Variants in ACER3 observed in about 807,000 individuals in gnomAD.
ACER3 encodes alkCDase 3.
ACER3 carries 16 observed loss-of-function variants against 48.9 expected under a neutral mutation model. The ratio of observed to expected loss-of-function variants is 0.33; its 90% CI spans 0.22 to 0.50. The LOEUF is 0.50. Among genes scored for constraint, ACER3 ranks in the 20% least tolerant of loss-of-function variants. The pLI is 0.98. For missense variants in ACER3, 227 were observed against 326.0 expected (o/e 0.70, Z 2.34); for synonymous variants, 109 against 107.8 (o/e 1.01, Z -0.07).
chr11:76,924,313 G>A (rs1271233600), intron 1 of ACER3, among the ~76,000 whole-genome samples: 1 of 152,044 alleles, frequency 6.6e-6, no homozygotes, highest in Non-Finnish European at 1.5e-5. Context: ...TTCATCTTGT[G>A]TGGAAACAGA....
chr11:76,933,529 C>T (rs1947076663), intron 2 of ACER3, among the ~76,000 whole-genome samples: 1 of 151,698 alleles, frequency 6.6e-6, no homozygotes, highest in African/African-American at 2.4e-5. Flanking sequence ...CAAAGCACAT[C>T]TTGCACCGTC....
chr11:77,000,081 T>C (rs1948996172), intron 7 of ACER3, among the ~76,000 whole-genome samples: 1 of 152,362 alleles, frequency 6.6e-6, no homozygotes, highest in South Asian at 2.1e-4. Context: ...ACCAGCAATA[T>C]ATGTGTGATC....
Position 76,902,700 on chromosome 11 carries a change from A to G in ACER3, c.104-23857A>G, listed in dbSNP as rs574656526. ...CAATATTGCACTAAACACGATAAAA[A>G]TACATGAGAACCACAAGAGATCACT... On this transcript the variant is annotated intron_variant, in intron 1 of 10. Transcript: ENST00000532485. Among the ~76,000 whole-genome samples the G allele has an allele frequency of 4.6e-5, 7 of 152,356 alleles. No individual in the cohort carries two copies. In the South Asian group the frequency reaches 1.4e-3, roughly 32 times the overall value.
chr11:76,920,814 T>A (rs1021141714), intron 1 of ACER3, among the ~76,000 whole-genome samples: 2 of 152,004 alleles, frequency 1.3e-5, no homozygotes, highest in South Asian at 2.1e-4. Flanking sequence ...TTTTAAAAAA[T>A]TTTTTGTAGA....
chr11:76,954,762 A>G (rs1947792436), intron 2 of ACER3, among the ~76,000 whole-genome samples: 1 of 151,928 alleles, frequency 6.6e-6, no homozygotes, highest in Non-Finnish European at 1.5e-5. Context: ...CATCACACCC[A>G]GTTAACCTTC....
At chr11:77,009,991 G>A (rs1949228023) in intron 7 of ACER3, among the ~76,000 whole-genome samples, 1 of 151,978 alleles carries the variant, frequency 6.6e-6, no homozygotes, top group Non-Finnish European at 1.5e-5. Flanking sequence ...AATAAAGCCA[G>A]GACCATTAAA....
intron 2 of ACER3, among the ~76,000 whole-genome samples, chr11:76,949,314 A>G (rs534899805): frequency 6.9e-4 from 105 of 152,290 alleles, no homozygotes; most frequent in African/African-American, 2.5e-3. Context: ...CACTTTGGAC[A>G]TGACCATATG....
At chr11:76,986,784 G>C (rs1463743970) in intron 5 of ACER3, among the ~76,000 whole-genome samples, 1 of 152,184 alleles carries the variant, frequency 6.6e-6, no homozygotes, top group South Asian at 2.1e-4. Flanking sequence ...GTGTGGAGCA[G>C]TTAGGCGCAG....
chr11:76,914,995 T>A (rs1209909788), intron 1 of ACER3, among the ~76,000 whole-genome samples: 1 of 152,066 alleles, frequency 6.6e-6, no homozygotes, highest in African/African-American at 2.4e-5. Flanking sequence ...GGAATTGAAC[T>A]ATGAGAACAC....
chr11:76,984,958 G>C (rs1297419695), intron 4 of ACER3, among the ~76,000 whole-genome samples: 2 of 152,112 alleles, frequency 1.3e-5, no homozygotes, highest in Non-Finnish European at 2.9e-5. Flanking sequence ...GGAAGGACAG[G>C]TTCTTCCCCC....
chr11:76,938,736 G>A (rs1286403773), intron 2 of ACER3, among the ~76,000 whole-genome samples: 2 of 152,168 alleles, frequency 1.3e-5, no homozygotes, highest in African/African-American at 2.4e-5. Flanking sequence ...TGGAGTTAGA[G>A]GTATCAGCAT....
chr11:76,926,178 T>C (rs944803915), intron 1 of ACER3, among the ~76,000 whole-genome samples: 1 of 152,208 alleles, frequency 6.6e-6, no homozygotes, highest in Non-Finnish European at 1.5e-5. Flanking sequence ...AATCCTGTAT[T>C]CATCATGTCA....
At chr11:76,865,119 G>A (rs1945042126) in intron 1 of ACER3, among the ~76,000 whole-genome samples, 2 of 148,016 alleles carry the variant, frequency 1.4e-5, no homozygotes, top group Non-Finnish European at 3.0e-5. Flanking sequence ...CTACAGGCGT[G>A]TGCCACCATG....
intron 2 of ACER3, among the ~76,000 whole-genome samples, chr11:76,956,786 A>G (rs540597765): frequency 4.8e-4 from 71 of 147,790 alleles, no homozygotes; most frequent in African/African-American, 1.6e-3. Flanking sequence ...CCACCTTTGT[A>G]CCTTCTAATT....
intron 9 of ACER3, chr11:77,019,470 A>G: frequency 2.7e-6 from 1 of 373,598 alleles, no homozygotes; most frequent in Non-Finnish European, 4.8e-6. Context: ...AAAAAAAAGA[A>G]TTATGCTAAA....
At chr11:76,995,846 G>A (rs938745491) in intron 6 of ACER3, among the ~76,000 whole-genome samples, 1 of 152,080 alleles carries the variant, frequency 6.6e-6, no homozygotes, top group Non-Finnish European at 1.5e-5. Flanking sequence ...CCATCATTTC[G>A]TATGCTCAAC....
intron 2 of ACER3, among the ~76,000 whole-genome samples, chr11:76,943,749 ACCCC>A (rs71043514): frequency 1.4e-5 from 2 of 146,782 alleles, no homozygotes; most frequent in Non-Finnish European, 3.0e-5. Context: ...TGTGTTGAAG[ACCCC>A]CCCCCCCACT....
Position 77,016,735 on chromosome 11 carries a change from G to A in ACER3, c.660G>A (p.Trp220Ter), listed in dbSNP as rs868984137. The A allele has an allele frequency of 1.2e-6, 2 of 1,603,008 alleles. No homozygotes were observed. Among genetic ancestry groups the A allele is most frequent in the African/African-American group, 1.3e-5 (1 of 74,366 alleles). Residue 220 changes from tryptophan to a stop codon, truncating the protein, a stop_gained, in exon 9 of 11, where the codon TGG (tryptophan) becomes TGA (stop). Coordinates refer to ENST00000532485, the MANE Select transcript of ACER3 (RefSeq NM_018367.7). LOFTEE classifies it high-confidence loss of function. Reference protein sequence around the residue: ...IGITTQFHAWWHILTGLGSYL... With the variant: ...IGITTQFHAW Reference sequence around the variant, plus strand: ...TTACCACACAATTTCATGCATGGTGGCATATTTTAACTGGCCTTGGTTCCT... The same window carrying A: ...TTACCACACAATTTCATGCATGGTGACATATTTTAACTGGCCTTGGTTCCT...
chr11:76,919,943 C>T (rs140382645), intron 1 of ACER3, among the ~76,000 whole-genome samples: 35 of 152,282 alleles, frequency 2.3e-4, no homozygotes, highest in African/African-American at 8.2e-4. Flanking sequence ...CTTCTTAGCT[C>T]TGAGTTCAAC....
Sources: allele counts gnomAD v4.1 joint callset (sites outside exome capture counted in the v4.1 genomes callset), GRCh38; gene constraint gnomAD v4.1.1; transcripts MANE v1.5; gene names NCBI Gene and HGNC (gene_info 2026-07-23, HGNC 2026-07-21).